Variants in SCHIP1 observed in about 807,000 individuals in gnomAD.
The protein encoded by SCHIP1 is schwannomin-interacting protein 1.
SCHIP1 carries 8 observed loss-of-function variants against 29.7 expected under a neutral mutation model. The observed-to-expected ratio is 0.27, with a 90% confidence interval of 0.16 to 0.49. SCHIP1 has a LOEUF of 0.49. Ranked by LOEUF, SCHIP1 falls within the 20% of genes least tolerant of loss-of-function variation. SCHIP1 has a pLI of 0.99. For synonymous variants in SCHIP1, 76 were observed against 94.9 expected (o/e 0.80, Z 1.16); for missense variants, 193 against 294.6 (o/e 0.66, Z 2.52).
chr3:159,845,257 C>G (rs1307523677), intron 1 of SCHIP1: 2 of 152,312 alleles, frequency 1.3e-5, no homozygotes, highest in African/African-American at 2.4e-5. Flanking sequence ...CTTCAGGAAA[C>G]TTTTCCCATT....
At chr3:159,788,969 G>A in the SCHIP1 span, among the ~76,000 whole-genome samples, 1 of 152,170 alleles carries the variant, frequency 6.6e-6, no homozygotes, top group South Asian at 2.1e-4. Context: ...GAATATTTCA[G>A]ATTTTCAGAT....
At chr3:159,520,331 G>T in the SCHIP1 span, among the ~76,000 whole-genome samples, 1 of 152,078 alleles carries the variant, frequency 6.6e-6, no homozygotes, top group Non-Finnish European at 1.5e-5. Context: ...CCGGGCAGAT[G>T]AGCAGCAATG....
At chr3:159,841,741 A>T (rs1744239153) in intron 1 of SCHIP1, among the ~76,000 whole-genome samples, 1 of 152,174 alleles carries the variant, frequency 6.6e-6, no homozygotes. Flanking sequence ...AGGAAGATAA[A>T]TTGATTTTAT....
At chr3:159,721,750 G>T in the SCHIP1 span, 1 of 444,096 alleles carries the variant, frequency 2.3e-6, no homozygotes, top group South Asian at 2.0e-5. Flanking sequence ...CACGAAGGAC[G>T]TCTCACTGTC....
At chr3:159,418,912 T>A in the SCHIP1 span, among the ~76,000 whole-genome samples, 1 of 152,230 alleles carries the variant, frequency 6.6e-6, no homozygotes, top group Non-Finnish European at 1.5e-5. Flanking sequence ...CAGAATTTAG[T>A]TTGATCAGAG....
chr3:159,387,254 T>C, the SCHIP1 span: 1 of 205,334 alleles, frequency 4.9e-6, no homozygotes, highest in Non-Finnish European at 1.0e-5. Flanking sequence ...CCAGCAAGAG[T>C]CTGCTTTTGC....
the SCHIP1 span, among the ~76,000 whole-genome samples, chr3:159,636,616 G>A: frequency 6.6e-6 from 1 of 152,150 alleles, no homozygotes; most frequent in Non-Finnish European, 1.5e-5. Flanking sequence ...TTTAAATGTA[G>A]AAGTGATAGG....
At chr3:159,609,790 T>G in the SCHIP1 span, among the ~76,000 whole-genome samples, 1 of 152,052 alleles carries the variant, frequency 6.6e-6, no homozygotes, top group Non-Finnish European at 1.5e-5. Flanking sequence ...GCAACTGTAT[T>G]TTAGGTATTT....
chr3:159,437,678 C>A, the SCHIP1 span, among the ~76,000 whole-genome samples: 1 of 152,052 alleles, frequency 6.6e-6, no homozygotes, highest in Admixed American at 6.6e-5. Context: ...CAAGGTCATT[C>A]TCTTGCCCAC....
At chr3:159,428,397 A>C in the SCHIP1 span, among the ~76,000 whole-genome samples, 2 of 152,094 alleles carry the variant, frequency 1.3e-5, no homozygotes, top group African/African-American at 4.8e-5. Flanking sequence ...ACATGAACAG[A>C]CATTTCTCAA....
chr3:159,518,378 T>C, the SCHIP1 span, among the ~76,000 whole-genome samples: 12 of 152,164 alleles, frequency 7.9e-5, no homozygotes, highest in Non-Finnish European at 1.5e-4. Flanking sequence ...CACTGGATGG[T>C]GGCTACATAG....
the SCHIP1 span, chr3:159,765,283 CGT>C: frequency 1.1e-6 from 1 of 939,076 alleles, no homozygotes; most frequent in Admixed American, 3.2e-5. Context: ...GAGAGCCTGC[CGT>C]CTGCTCCCCT....
chr3:159,810,333 C>A, the SCHIP1 span, among the ~76,000 whole-genome samples: 1 of 152,198 alleles, frequency 6.6e-6, no homozygotes, highest in Non-Finnish European at 1.5e-5. Flanking sequence ...GCATGAGCCA[C>A]CACGCCCGGC....
the SCHIP1 span, among the ~76,000 whole-genome samples, chr3:159,384,624 A>C: frequency 6.6e-6 from 1 of 151,956 alleles, no homozygotes; most frequent in Non-Finnish European, 1.5e-5. Flanking sequence ...CTGCCCTCAT[A>C]AAATGAGTTA....
At chr3:159,873,871 AT>A (rs1715515727) in intron 2 of SCHIP1, among the ~76,000 whole-genome samples, 1 of 152,166 alleles carries the variant, frequency 6.6e-6, no homozygotes, top group Non-Finnish European at 1.5e-5. Context: ...TTGAAGAAAC[AT>A]TTTTTCTATT....
chr3:159,813,039 G>A, the SCHIP1 span, among the ~76,000 whole-genome samples: 3 of 152,232 alleles, frequency 2.0e-5, no homozygotes, highest in South Asian at 4.1e-4. Flanking sequence ...ACTAAGAGAT[G>A]GTATTAATCC....
In SCHIP1 at chr3:159,842,997, C is replaced by CTTTTTTTTTTTTTTTTTTTTTTTTTTT. The variant is rs1440922016; in HGVS notation, c.30+2786_30+2787insTTTTTTTTTTTTTTTTTTTTTTTTTTT. 9.4e-4 allele frequency among the ~76,000 whole-genome samples: 58 copies of CTTTTTTTTTTTTTTTTTTTTTTTTTTT among 61,740 alleles called. 10 individuals are homozygous for CTTTTTTTTTTTTTTTTTTTTTTTTTTT. Among genetic ancestry groups the CTTTTTTTTTTTTTTTTTTTTTTTTTTT allele is most frequent in the Admixed American group, 3.3e-3 (15 of 4,552 alleles). The allele number at this position is 61,740 out of a possible 152,430, so 40.5% of individuals were successfully genotyped here. On this transcript the variant is annotated intron_variant, in intron 1 of 6. Coordinates refer to ENST00000445224, the Ensembl canonical transcript of SCHIP1. ...GCTCTCCAGTTCTATCCCAATATTT[C>CTTTTTTTTTTTTTTTTTTTTTTTTTTT]TTTCTTTTTTTTTTTTTTTTTTTTT...
intron 1 of SCHIP1, among the ~76,000 whole-genome samples, chr3:159,858,551 A>G (rs1560085590): frequency 6.6e-6 from 1 of 152,202 alleles, no homozygotes; most frequent in East Asian, 1.9e-4. Flanking sequence ...GTAGCATAAG[A>G]AGGAATGCAG....
chr3:159,611,385 T>C, the SCHIP1 span, among the ~76,000 whole-genome samples: 3 of 152,108 alleles, frequency 2.0e-5, no homozygotes, highest in African/African-American at 7.2e-5. Context: ...TGTAGGGACA[T>C]GGATGGAGCT....
Sources: allele counts gnomAD v4.1 joint callset (sites outside exome capture counted in the v4.1 genomes callset), GRCh38; gene constraint gnomAD v4.1.1; transcripts MANE v1.5; gene names NCBI Gene and HGNC (gene_info 2026-07-23, HGNC 2026-07-21).